Variants in RAP1GAP2 observed in about 807,000 individuals in gnomAD.
RAP1GAP2 encodes the protein rap1 GTPase-activating protein 2.
Under a neutral mutation model 95.0 loss-of-function variants are expected in RAP1GAP2, and 27 were observed. That is an observed-to-expected ratio of 0.28 (90% confidence interval 0.21 to 0.39). RAP1GAP2 has a LOEUF of 0.39. RAP1GAP2 is among the 10% of genes least tolerant of loss of function. RAP1GAP2 has a pLI of 1.00. For missense variants in RAP1GAP2, 771 were observed against 970.0 expected (o/e 0.79, Z 2.72); for synonymous variants, 373 against 380.9 (o/e 0.98, Z 0.24).
chr17:3,009,780 G>A (rs577774057), intron 17 of RAP1GAP2, among the ~76,000 whole-genome samples: 55 of 152,284 alleles, frequency 3.6e-4, no homozygotes, highest in African/African-American at 1.2e-3. Flanking sequence ...GGTGAAATAG[G>A]AGAAATTGGG....
At chr17:2,785,779 CTG>C (rs2068757176) in intron 1 of RAP1GAP2, among the ~76,000 whole-genome samples, 1 of 152,048 alleles carries the variant, frequency 6.6e-6, no homozygotes, top group Non-Finnish European at 1.5e-5. Context: ...GGAGTTTTGT[CTG>C]TGGCTCGTCC....
intron 2 of RAP1GAP2, among the ~76,000 whole-genome samples, chr17:2,894,044 G>A (rs1203034006): frequency 2.6e-5 from 4 of 152,216 alleles, no homozygotes. Flanking sequence ...GGGAGGCCGA[G>A]GTGGGCAGAT....
intron 11 of RAP1GAP2, among the ~76,000 whole-genome samples, chr17:2,988,159 G>A (rs1361931582): frequency 2.0e-5 from 3 of 151,504 alleles, no homozygotes; most frequent in East Asian, 1.9e-4. Flanking sequence ...GCAGTGAGCC[G>A]AGATCGTGCC....
chr17:2,889,154 C>T (rs964208190), intron 2 of RAP1GAP2, among the ~76,000 whole-genome samples: 1 of 152,116 alleles, frequency 6.6e-6, no homozygotes, highest in Non-Finnish European at 1.5e-5. Context: ...TGAGGACCCT[C>T]CGTGCTGTGT....
intron 2 of RAP1GAP2, among the ~76,000 whole-genome samples, chr17:2,851,597 G>A (rs1336495026): frequency 6.6e-6 from 1 of 152,162 alleles, no homozygotes; most frequent in Non-Finnish European, 1.5e-5. Context: ...GGGCTGAGAG[G>A]TTACGATTTT....
Position 3,008,041 on chromosome 17 carries a change from C to T in RAP1GAP2, c.1390C>T (p.Leu464Phe). ...DRTRAALLDN[L>F]HDELHAHTQA... ...GACCAGGGCTGCCCTCCTGGACAAC[C>T]TTCACGATGAGCTCCACGCCCACAC... is the stretch of plus-strand genomic sequence containing the variant. Residue 464 changes from leucine to phenylalanine, a missense_variant, in exon 17 of 25, where the codon CTT becomes TTT. Leu to Phe is a conservative substitution (Grantham distance 22). Transcript: ENST00000254695. This position sits in a 1 kb window ranked among gnomAD's most constrained non-coding sequence, Gnocchi z 4.2. 4 of 1,613,956 alleles carry T rather than the reference C, an allele frequency of 2.5e-6. No homozygotes were observed. Among genetic ancestry groups the T allele is most frequent in the Non-Finnish European group, 3.4e-6 (4 of 1,179,852 alleles).
At chr17:2,997,172 G>A (rs762212780) in intron 13 of RAP1GAP2, among the ~76,000 whole-genome samples, 2 of 151,024 alleles carry the variant, frequency 1.3e-5, no homozygotes, top group Non-Finnish European at 1.5e-5. Context: ...ACCTGGCCCT[G>A]CTTGGGATAT....
chr17:2,763,327 C>T (rs192929347), intron 1 of RAP1GAP2, among the ~76,000 whole-genome samples: 25 of 152,232 alleles, frequency 1.6e-4, no homozygotes, highest in Non-Finnish European at 2.6e-4. Context: ...TCAGATACAG[C>T]CTTTGTACTT....
chr17:2,878,300 T>C (rs570601943), intron 2 of RAP1GAP2, among the ~76,000 whole-genome samples: 1 of 152,076 alleles, frequency 6.6e-6, no homozygotes, highest in African/African-American at 2.4e-5. Flanking sequence ...AGGGACACAT[T>C]GGGTTCGAGG....
At chr17:2,860,831 C>A (rs1377073433) in intron 2 of RAP1GAP2, among the ~76,000 whole-genome samples, 1 of 151,952 alleles carries the variant, frequency 6.6e-6, no homozygotes. Context: ...GTCTTGAACT[C>A]CTGGCCTCAA....
chr17:2,775,961 C>G (rs543450021), upstream of RAP1GAP2, among the ~76,000 whole-genome samples: 4 of 152,174 alleles, frequency 2.6e-5, no homozygotes, highest in African/African-American at 9.7e-5. Flanking sequence ...GGTGGATCAC[C>G]TAAGGCCAGG....
intron 7 of RAP1GAP2, among the ~76,000 whole-genome samples, 175 bp downstream of exon 7, chr17:2,964,243 TGCCGGGG>T (rs2044477420): frequency 9.6e-6 from 1 of 104,418 alleles, no homozygotes; most frequent in African/African-American, 4.0e-5. Context: ...GGAGAGGAGC[TGCCGGGG>T]ATGGGGGTGA....
intron 1 of RAP1GAP2, among the ~76,000 whole-genome samples, chr17:2,756,469 C>G (rs891551401): frequency 1.1e-4 from 16 of 152,208 alleles, no homozygotes; most frequent in African/African-American, 3.9e-4. Context: ...GCCCCCGAAC[C>G]CACGTCCCAG....
intron 2 of RAP1GAP2, among the ~76,000 whole-genome samples, chr17:2,873,768 T>G (rs2072959625): frequency 6.6e-6 from 1 of 151,994 alleles, no homozygotes; most frequent in Admixed American, 6.6e-5. Flanking sequence ...ATTTATTTAT[T>G]TATTTATTTT....
intron 2 of RAP1GAP2, among the ~76,000 whole-genome samples, chr17:2,879,264 C>T (rs1007597341): frequency 2.0e-5 from 3 of 151,968 alleles, no homozygotes; most frequent in Admixed American, 6.6e-5. Flanking sequence ...TACAGGCACC[C>T]GCCACCATAA....
At chr17:2,993,147 A>AGGAGATGG in intron 12 of RAP1GAP2, among the ~76,000 whole-genome samples, 1 of 150,826 alleles carries the variant, frequency 6.6e-6, no homozygotes. Flanking sequence ...GCTTGAACCC[A>AGGAGATGG]AAAGGCAGTG....
chr17:2,775,829 G>A (rs927975345), upstream of RAP1GAP2, among the ~76,000 whole-genome samples: 1 of 152,286 alleles, frequency 6.6e-6, no homozygotes, highest in Non-Finnish European at 1.5e-5. Flanking sequence ...ACGCCTTCAC[G>A]TTCAGGAGCA....
chr17:3,021,430 CTTTTTTTTTTTTTTTTTT>C (rs57099220), intron 19 of RAP1GAP2, among the ~76,000 whole-genome samples: 1 of 95,744 alleles, frequency 1.0e-5, no homozygotes. Flanking sequence ...CGATATTTGT[CTTTTTTTTTTTTTTTTTT>C]TTTTTTTTGA....
Position 2,865,211 on chromosome 17 carries a change from GCA to G in RAP1GAP2, c.81-40072_81-40071del, listed in dbSNP as rs997195507. Among the ~76,000 whole-genome samples, 70 of 152,250 alleles carry G rather than the reference GCA, an allele frequency of 4.6e-4. 1 individual carries two copies. The highest frequency in any genetic ancestry group is 1.6e-3 in the African/African-American group (68 of 41,554). Reference sequence around the variant, plus strand: ...ACAGTCCAATGAAGTAGATTGAAGTGCAGCTCAGAGAGACCAGGTGTCCTGGT... The same window carrying G: ...ACAGTCCAATGAAGTAGATTGAAGTGGCTCAGAGAGACCAGGTGTCCTGGT... On this transcript the variant is annotated intron_variant, in intron 2 of 24. Transcript: ENST00000254695.
Sources: gnomAD v4.1 joint callset for allele counts (sites outside exome capture counted in the v4.1 genomes callset) on GRCh38, gnomAD v4.1.1 for gene constraint, Gnocchi (gnomAD v3.1) non-coding constraint, MANE v1.5 for transcripts, NCBI Gene and HGNC (gene_info 2026-07-23, HGNC 2026-07-21) for gene names.